The following COG5 variants were observed in gnomAD, a reference collection of about 807,000 sequenced individuals.
COG5 encodes the protein conserved oligomeric Golgi complex subunit 5.
COG5 carries 86 observed loss-of-function variants against 110.4 expected under a neutral mutation model. The observed-to-expected ratio is 0.78, with a 90% CI of 0.65 to 0.93. COG5 has a LOEUF of 0.93. Ranked by LOEUF, COG5 falls within the 40% of genes least tolerant of loss-of-function variation. COG5 has a pLI of 0.00. For missense variants in COG5, 1,077 were observed against 987.0 expected, an observed-to-expected ratio of 1.09 and a Z score of -1.22; for synonymous variants, 360 against 334.6, an observed-to-expected ratio of 1.08 and a Z score of -0.83.
intron 14 of COG5, among the ~76,000 whole-genome samples, chr7:107,275,712 T>C (rs1334398047): frequency 2.0e-5 from 3 of 151,968 alleles, no homozygotes; most frequent in East Asian, 1.9e-4. Flanking sequence ...TTAGTAGAGA[T>C]GAGGTTTCAC....
At position 107,236,484 on chromosome 7, in the gene COG5, C is replaced by A; in HGVS notation, c.2057G>T (p.Gly686Val). Residue 686 changes from glycine to valine, a missense_variant, in exon 18 of 22, where the codon GGT becomes GTT. Gly to Val is a moderately radical substitution (Grantham distance 109). Transcript: ENST00000297135. The part of the protein sequence containing the change: ...HASLIRPLGE[G>V]GKMRLAADFA... Reference sequence around the variant, plus strand: ...ATCAGCAGCAAGTCGCATTTTCCCACCTTCACCAAGAGGTCTTATGAGACT... The same window carrying A: ...ATCAGCAGCAAGTCGCATTTTCCCAACTTCACCAAGAGGTCTTATGAGACT... 6.2e-7 allele frequency: 1 copy of A among 1,614,132 alleles called. No homozygotes were observed. The highest frequency in any genetic ancestry group is 1.6e-4 in the Middle Eastern group (1 of 6,062).
chr7:107,246,761 C>T (rs780779804), intron 17 of COG5, among the ~76,000 whole-genome samples: 5 of 152,144 alleles, frequency 3.3e-5, no homozygotes, highest in South Asian at 2.1e-4. Context: ...AACACTTATA[C>T]GCTGTGGTGG....
intron 16 of COG5, chr7:107,253,255 T>C (rs1011604033): frequency 2.6e-5 from 4 of 152,170 alleles, no homozygotes; most frequent in Non-Finnish European, 5.9e-5. Context: ...AATGCCTTCA[T>C]TTCAAGGATG....
rs564718467 is a variant in COG5 at position 107,369,730 on chromosome 7, C to T, written c.835+2865G>A. On this transcript the variant is annotated intron_variant, in intron 8 of 21. Transcript: ENST00000297135. ...ACATATACATGCCAGATTTTCCTTG[C>T]AGTATATTCTTAGAAAGTATAACAT... Among the ~76,000 whole-genome samples, 4 of 152,228 alleles carry T rather than the reference C, an allele frequency of 2.6e-5. No homozygotes were observed. In the South Asian group the frequency reaches 8.3e-4, roughly 32 times the overall value.
At chr7:107,449,557 T>A (rs1192233736) in intron 6 of COG5, among the ~76,000 whole-genome samples, 1 of 152,192 alleles carries the variant, frequency 6.6e-6, no homozygotes, top group Non-Finnish European at 1.5e-5. Flanking sequence ...TTCTCACTTA[T>A]TTTTCATAGT....
intron 6 of COG5, among the ~76,000 whole-genome samples, chr7:107,427,745 C>T (rs549884932): frequency 6.6e-6 from 1 of 152,060 alleles, no homozygotes; most frequent in South Asian, 2.1e-4. Flanking sequence ...GCTGGGATTG[C>T]CCCAGCCCAC....
intron 14 of COG5, among the ~76,000 whole-genome samples, chr7:107,265,937 C>T (rs1223404090): frequency 6.6e-6 from 1 of 151,970 alleles, no homozygotes; most frequent in Non-Finnish European, 1.5e-5. Flanking sequence ...TGCCTATGGT[C>T]CCAGGTCCTC....
chr7:107,248,183 T>G (rs986973418), intron 17 of COG5, among the ~76,000 whole-genome samples: 3 of 151,532 alleles, frequency 2.0e-5, no homozygotes, highest in Non-Finnish European at 4.4e-5. Flanking sequence ...AAAGAAAAAG[T>G]TTTTAAAAAG....
intron 6 of COG5, among the ~76,000 whole-genome samples, chr7:107,516,801 GCAA>G (rs1027531824): frequency 9.9e-5 from 15 of 152,152 alleles, no homozygotes; most frequent in South Asian, 2.1e-4. Context: ...CAAACAGAAA[GCAA>G]CAACAACAAC....
At position 107,519,388 on chromosome 7, in the gene COG5, A is replaced by G. The variant is rs551705710; in HGVS notation, c.538+7849T>C. The stretch of plus-strand genomic sequence containing the variant: ...CTGGTTTTTTGAAAAAATTAACAAA[A>G]TAGAGCATTAGCTAGACTAATAAAG... On this transcript the variant is annotated intron_variant, in intron 6 of 21. Transcript: ENST00000297135. 7.2e-5 allele frequency among the ~76,000 whole-genome samples: 11 copies of G among 152,226 alleles called. No homozygotes were observed. The East Asian group carries it at 1.9e-3, about 27-fold the overall frequency.
Position 107,527,326 on chromosome 7 carries a change from C to A in COG5, c.449G>T (p.Arg150Leu), listed in dbSNP as rs1390963885. 1.2e-6 allele frequency: 2 copies of A among 1,613,256 alleles called. No homozygotes were observed. Among genetic ancestry groups the A allele is most frequent in the South Asian group, 1.1e-5 (1 of 91,014 alleles). Residue 150 changes from arginine (R) to leucine (L), a missense_variant, in exon 6 of 22, where the codon CGT becomes CTT. By Grantham distance (102) the Arg-to-Leu change is moderately radical. Coordinates refer to ENST00000297135, the MANE Select transcript of COG5 (RefSeq NM_006348.5). ...VACDLLRRIIRILNLSKRLQG... is the reference protein window; with the variant it reads ...VACDLLRRIILILNLSKRLQG... The stretch of plus-strand genomic sequence containing the variant: ...GAGTCTCTTACTGAGATTCAAGATA[C>A]GAATAATCCTCCGAAGCAAATCACA...
chr7:107,502,614 T>G (rs961259431), intron 6 of COG5, among the ~76,000 whole-genome samples: 1 of 152,094 alleles, frequency 6.6e-6, no homozygotes, highest in Non-Finnish European at 1.5e-5. Context: ...TCCATAAAGG[T>G]TGTATTAATT....
At chr7:107,210,466 C>T (rs1239754335) in intron 21 of COG5, 60 bp downstream of exon 21, 1 of 1,554,394 alleles carries the variant, frequency 6.4e-7, no homozygotes, top group African/African-American at 1.4e-5. Flanking sequence ...TCCTCTCTTG[C>T]ATCCCCACCC....
chr7:107,258,209 C>T, intron 15 of COG5, 64 bp downstream of exon 15: 1 of 935,254 alleles, frequency 1.1e-6, no homozygotes, highest in Non-Finnish European at 1.7e-6. Flanking sequence ...AATTTGTAAA[C>T]TGTCCAAATT....
rs1811658876 is a variant in COG5 at position 107,346,862 on chromosome 7, C to A, written c.1026+15171G>T. Among the ~76,000 whole-genome samples the A allele has an allele frequency of 2.0e-5, 3 of 152,048 alleles. No individual in the cohort carries two copies. In the South Asian group the frequency reaches 6.2e-4, roughly 32 times the overall value. The stretch of plus-strand genomic sequence containing the variant: ...TGCTATCCCTCCCCACTCCCCCTAC[C>A]CCACAACATGCCCTGGTGTGTGATG... On this transcript the variant is annotated intron_variant, in intron 10 of 21. Transcript: ENST00000297135.
At chr7:107,555,736 G>A (rs1165313299) in intron 2 of COG5, among the ~76,000 whole-genome samples, 1 of 152,022 alleles carries the variant, frequency 6.6e-6, no homozygotes, top group East Asian at 1.9e-4. Flanking sequence ...GCTAGGCTGG[G>A]CACGGTGGCT....
chr7:107,322,552 C>T (rs1202086676), intron 11 of COG5, among the ~76,000 whole-genome samples: 1 of 152,022 alleles, frequency 6.6e-6, no homozygotes, highest in Admixed American at 6.5e-5. Context: ...ACTGGAATGA[C>T]TAAAATTAAA....
chr7:107,333,510 T>G (rs946773190), intron 10 of COG5, among the ~76,000 whole-genome samples: 2 of 152,164 alleles, frequency 1.3e-5, no homozygotes, highest in African/African-American at 4.8e-5. Flanking sequence ...AAAAAATATT[T>G]ATAATGCAAT....
At chr7:107,252,860 C>T (rs946702071) in intron 16 of COG5, among the ~76,000 whole-genome samples, 1 of 151,928 alleles carries the variant, frequency 6.6e-6, no homozygotes, top group Non-Finnish European at 1.5e-5. Flanking sequence ...AACTTAACAC[C>T]ATTAATAATA....
Sources: gnomAD v4.1 joint callset for allele counts (sites outside exome capture counted in the v4.1 genomes callset) on GRCh38, gnomAD v4.1.1 for gene constraint, MANE v1.5 for transcripts, NCBI Gene and HGNC (gene_info 2026-07-23, HGNC 2026-07-21) for gene names.